Variants in CIITA observed in about 807,000 individuals in gnomAD.
CIITA encodes class II major histocompatibility complex transactivator, also known as MHC class II transactivator.
CIITA carries 72 observed loss-of-function variants against 115.1 expected under a neutral mutation model. That is an observed-to-expected ratio of 0.63 (90% CI 0.52 to 0.76). The LOEUF is 0.76. Ranked by LOEUF, CIITA falls within the 30% of genes least tolerant of loss-of-function variation. The pLI is 0.00. For missense variants in CIITA, 1,617 were observed against 1,463.8 expected, an observed-to-expected ratio of 1.10 and a Z score of -1.71; for synonymous variants, 763 against 635.6, an observed-to-expected ratio of 1.20 and a Z score of -3.02.
intron 3 of CIITA, among the ~76,000 whole-genome samples, chr16:10,897,264 C>T (rs1299987840): frequency 6.6e-6 from 1 of 152,144 alleles, no homozygotes; most frequent in East Asian, 1.9e-4. Flanking sequence ...TGCAGAGTCC[C>T]AAGGCAGTGT....
At chr16:10,939,974 C>G (rs1384076638), downstream of CIITA, 1 of 152,444 alleles carries the variant, frequency 6.6e-6, no homozygotes, top group Admixed American at 6.5e-5. This position sits in a 1 kb window ranked among gnomAD's most constrained non-coding sequence, Gnocchi z 4.9. Context: ...GGATGGCAGG[C>G]AGGCAGGCAG....
rs770284013 is a variant in CIITA, at chr16:10,907,590, C to G, written c.2098C>G (p.Arg700Gly). The change falls in exon 11 of 20, where the codon CGG (arginine) becomes GGG (glycine). Residue 700 changes from arginine to glycine, a missense_variant. Physicochemically the swap from Arg to Gly is moderately radical, Grantham distance 125 (BLOSUM62 -2). Coordinates refer to ENST00000324288, the MANE Select transcript of CIITA (RefSeq NM_000246.4). This position sits in a 1 kb window ranked among gnomAD's most constrained non-coding sequence, Gnocchi z 5.0. ...MAKGLVQHPPRAAESELAFPS... is the reference protein window; with the variant it reads ...MAKGLVQHPPGAAESELAFPS... Reference sequence around the variant, plus strand: ...CAAAGGCTTAGTCCAACACCCACCGCGGGCCGCAGAGTCCGAGCTGGCCTT... The same window carrying G: ...CAAAGGCTTAGTCCAACACCCACCGGGGGCCGCAGAGTCCGAGCTGGCCTT... The G allele has an allele frequency of 2.5e-6, 4 of 1,614,178 alleles. No homozygotes were observed. The South Asian group carries it at 4.4e-5, about 18-fold the overall frequency.
chr16:10,922,990 A>G, intron 18 of CIITA: 1 of 580,126 alleles, frequency 1.7e-6, no homozygotes, highest in East Asian at 2.9e-5. Context: ...TAAAGCACAG[A>G]GCAGTTAACT....
At position 10,923,111 on chromosome 16, in the gene CIITA, G is replaced by A. The variant is rs2040363834; in HGVS notation, c.3318-117G>A. 4 of 894,738 alleles carry A rather than the reference G, an allele frequency of 4.5e-6. No individual in the cohort carries two copies. In the Admixed American group the frequency reaches 5.1e-5, roughly 11 times the overall value. 55.4% of individuals were successfully genotyped at this position (894,738 alleles called of 1,614,324 possible). On this transcript the variant is annotated intron_variant, in intron 18 of 19. Coordinates refer to ENST00000324288, the MANE Select transcript of CIITA (RefSeq NM_000246.4). This position sits in a 1 kb window ranked among gnomAD's most constrained non-coding sequence, Gnocchi z 5.2. ...CACACCGGTCGGTATCTTGCCAGGGGAAAAGTCCCCAACGTTCTAGGCTGG... is the reference window on the plus strand; with the variant it reads ...CACACCGGTCGGTATCTTGCCAGGGAAAAAGTCCCCAACGTTCTAGGCTGG...
Position 10,925,989 on chromosome 16 carries a change from G to A in CIITA, c.*2134G>A, listed in dbSNP as rs866259843. ...TTGGAAGCTCCGCTTTCTACCCAGC[G>A]AGCTGCCGGCACGACTGTTGCTTTT... On this transcript the variant is annotated 3_prime_UTR_variant, in exon 20 of 20. Coordinates refer to ENST00000324288, the MANE Select transcript of CIITA (RefSeq NM_000246.4). 2 of 152,224 alleles carry A rather than the reference G, an allele frequency of 1.3e-5. No individual in the cohort carries two copies. Among genetic ancestry groups the A allele is most frequent in the African/African-American group, 4.8e-5 (2 of 41,466 alleles). The allele number at this position is 152,224 out of a possible 1,614,324, so 9.4% of individuals were successfully genotyped here. A position where few individuals can be genotyped will look rare whatever the true frequency, so the allele number is the denominator to read the frequency against.
intron 13 of CIITA, 71 bp downstream of exon 13, chr16:10,910,330 C>G: frequency 7.9e-7 from 1 of 1,267,394 alleles, no homozygotes; most frequent in Non-Finnish European, 1.1e-6. Flanking sequence ...GGGCTTGTAC[C>G]ACCTGAATGG....
intron 1 of CIITA, among the ~76,000 whole-genome samples, chr16:10,890,459 G>A (rs555207545): frequency 7.9e-5 from 12 of 152,222 alleles, no homozygotes; most frequent in African/African-American, 2.9e-4. Flanking sequence ...GCTAAGTTTT[G>A]TGTTATTTGT....
intron 3 of CIITA, among the ~76,000 whole-genome samples, chr16:10,896,312 T>A (rs1379395569): frequency 6.6e-6 from 1 of 152,230 alleles, no homozygotes; most frequent in Non-Finnish European, 1.5e-5. Context: ...GAGATAGTAA[T>A]GTACAGATCT....
Position 10,901,758 on chromosome 16 carries a change from T to C in CIITA, c.481+200T>C. 1.5e-6 allele frequency: 1 copy of C among 673,826 alleles called. No homozygotes were observed. Among genetic ancestry groups the C allele is most frequent in the East Asian group, 2.7e-5 (1 of 36,866 alleles). 41.7% of individuals were successfully genotyped at this position (673,826 alleles called of 1,614,324 possible). A position where few individuals can be genotyped will look rare whatever the true frequency, so the allele number is the denominator to read the frequency against. ...CTGTTTGTGGAAGGTGGTAGGGGCT[T>C]GGAGCTAACAGATTGTTCATAGGTT... On this transcript the variant is annotated intron_variant, in intron 6 of 19. Coordinates refer to ENST00000324288, the MANE Select transcript of CIITA (RefSeq NM_000246.4). The surrounding 1 kb of genome is among the most constrained non-coding windows in gnomAD (Gnocchi z 6.8).
intron 10 of CIITA, 107 bp from the exon 11 acceptor site, chr16:10,906,392 G>T (rs374826958): frequency 2.3e-6 from 3 of 1,311,906 alleles, no homozygotes; most frequent in East Asian, 4.8e-5. Flanking sequence ...CAAAAAAACT[G>T]TGTGGGGAAC....
chr16:10,915,208 C>A, intron 13 of CIITA: 1 of 378,392 alleles, frequency 2.6e-6, no homozygotes, highest in Non-Finnish European at 5.1e-6. Context: ...CACCACCACA[C>A]TTGGCTAATT....
At position 10,918,500 on chromosome 16, in the gene CIITA, G is replaced by A. The variant is rs138925894; in HGVS notation, c.3123G>A (p.Ser1041=). 25 of 1,613,932 alleles carry A rather than the reference G, an allele frequency of 1.5e-5. No homozygotes were observed. The highest frequency in any genetic ancestry group is 3.3e-5 in the Admixed American group (2 of 60,004). ...ACAAACTCGCCGAGGCCCTGCCTTC[G>A]CTCGCTGCATCCCTGCTCAGGCTAA... ...GAYKLAEALP[S]LAASLLRLSL... Residue 1041 remains serine (S), a synonymous_variant, in exon 16 of 20, where the codon TCG becomes TCA. Transcript: ENST00000324288.
intron 7 of CIITA, 86 bp downstream of exon 7, chr16:10,902,270 A>C: frequency 6.4e-7 from 1 of 1,551,536 alleles, no homozygotes; most frequent in East Asian, 2.3e-5. Flanking sequence ...ACTGTCAGGA[A>C]CTGGACCTCA....
At chr16:10,882,789 C>T (rs377497789) in intron 1 of CIITA, among the ~76,000 whole-genome samples, 2 of 151,740 alleles carry the variant, frequency 1.3e-5, no homozygotes, top group African/African-American at 4.8e-5. Flanking sequence ...CCCAGCTACT[C>T]GGTAGGCTGG....
Position 10,933,122 on chromosome 16 carries a change from G to C in CIITA, c.*9267G>C, listed in dbSNP as rs1262563469. 1 of 152,216 alleles carries C rather than the reference G, an allele frequency of 6.6e-6. No homozygotes were observed. Among genetic ancestry groups the C allele is most frequent in the African/African-American group, 2.4e-5 (1 of 41,442 alleles). 9.4% of individuals were successfully genotyped at this position (152,216 alleles called of 1,614,324 possible). A position where few individuals can be genotyped will look rare whatever the true frequency, so the allele number is the denominator to read the frequency against. On this transcript the variant is annotated 3_prime_UTR_variant, in exon 20 of 20. Transcript: ENST00000324288. ...GACATCATCAGAGCACAGCAGACAA[G>C]TTATCAGCCACTAGATTTTTTTCCC... is the stretch of plus-strand genomic sequence containing the variant.
At chr16:10,916,573 G>A in intron 15 of CIITA, 114 bp downstream of exon 15, 1 of 893,588 alleles carries the variant, frequency 1.1e-6, no homozygotes, top group Non-Finnish European at 1.8e-6. Context: ...TGTCACCCAG[G>A]CTAGAATATA....
chr16:10,867,460 CAGAG>C (rs776878796), intron 1 of CIITA, among the ~76,000 whole-genome samples: 1 of 149,412 alleles, frequency 6.7e-6, no homozygotes, highest in Non-Finnish European at 1.5e-5. Context: ...CAGAAAGAGA[CAGAG>C]AGACAGGCAG....
intron 13 of CIITA, chr16:10,915,194 G>T: frequency 2.6e-6 from 1 of 387,380 alleles, no homozygotes; most frequent in Non-Finnish European, 5.0e-6. Context: ...GAGACCACAG[G>T]ACACACCACC....
At chr16:10,900,628 T>G (rs1015592288) in intron 5 of CIITA, among the ~76,000 whole-genome samples, 1 of 151,728 alleles carries the variant, frequency 6.6e-6, no homozygotes, top group Non-Finnish European at 1.5e-5. Context: ...TAATCCCAGC[T>G]ACCAGGGAGG....
Sources: gnomAD v4.1 joint callset for allele counts (sites outside exome capture counted in the v4.1 genomes callset) on GRCh38, gnomAD v4.1.1 for gene constraint, Gnocchi (gnomAD v3.1) non-coding constraint, MANE v1.5 for transcripts, NCBI Gene and HGNC (gene_info 2026-07-23, HGNC 2026-07-21) for gene names.